The following MYCBP2 variants were observed in gnomAD, a reference collection of about 807,000 sequenced individuals.
The protein encoded by MYCBP2 is E3 ubiquitin-protein ligase MYCBP2.
MYCBP2 carries 120 observed loss-of-function variants against 525.3 expected under a neutral mutation model. The observed-to-expected ratio is 0.23, with a 90% CI of 0.20 to 0.27. The LOEUF is 0.27. Among genes scored for constraint, MYCBP2 ranks in the 10% least tolerant of loss-of-function variants. MYCBP2 has a pLI of 1.00. For synonymous variants in MYCBP2, 1,894 were observed against 1,955.8 expected (o/e 0.97, Z 0.83); for missense variants, 4,149 against 5,657.1 (o/e 0.73, Z 8.55).
At chr13:77,078,958 G>T in intron 65 of MYCBP2, 69 bp from the exon 66 acceptor site, 1 of 1,286,812 alleles carries the variant, frequency 7.8e-7, no homozygotes, top group South Asian at 1.2e-5. Flanking sequence ...GGTTTCTCAT[G>T]ACCTACTAAT....
intron 67 of MYCBP2, 34 bp from the exon 68 acceptor site, chr13:77,076,883 G>A (rs1041438063): frequency 2.0e-6 from 3 of 1,488,534 alleles, no homozygotes; most frequent in South Asian, 1.2e-5. Context: ...AGGAATTAAT[G>A]ACAGGCATTA....
At chr13:77,136,734 T>C (rs1334528313) in intron 52 of MYCBP2, among the ~76,000 whole-genome samples, 2 of 152,170 alleles carry the variant, frequency 1.3e-5, no homozygotes, top group Non-Finnish European at 2.9e-5. Context: ...CTGATCGTTT[T>C]CCTATCTTCT....
At chr13:77,101,758 A>AT (rs2047099657) in intron 55 of MYCBP2, among the ~76,000 whole-genome samples, 1 of 152,028 alleles carries the variant, frequency 6.6e-6, no homozygotes, top group Non-Finnish European at 1.5e-5. Context: ...TATTTTATAT[A>AT]TTAAAAAAAA....
intron 62 of MYCBP2, among the ~76,000 whole-genome samples, chr13:77,083,722 G>T (rs962266578): frequency 1.3e-5 from 2 of 151,998 alleles, no homozygotes; most frequent in African/African-American, 4.8e-5. Context: ...ACAACCCTCA[G>T]ATGGCTCCAT....
intron 72 of MYCBP2, 96 bp downstream of exon 72, chr13:77,065,896 C>T: frequency 1.3e-6 from 1 of 750,922 alleles, no homozygotes; most frequent in Non-Finnish European, 2.2e-6. Context: ...AGTAAAGTTA[C>T]ACTAATCTAC....
chr13:77,147,607 T>G (rs2055812771), intron 47 of MYCBP2, among the ~76,000 whole-genome samples: 1 of 152,100 alleles, frequency 6.6e-6, no homozygotes, highest in African/African-American at 2.4e-5. Flanking sequence ...AGAAATGATC[T>G]AGCTGACTTT....
At chr13:77,304,315 T>C (rs531492043) in intron 1 of MYCBP2, among the ~76,000 whole-genome samples, 1 of 152,304 alleles carries the variant, frequency 6.6e-6, no homozygotes, top group Non-Finnish European at 1.5e-5. Flanking sequence ...AGTAAAATTC[T>C]GTCATTTGCA....
chr13:77,178,410 T>A (rs2059919201), intron 34 of MYCBP2, among the ~76,000 whole-genome samples: 1 of 152,190 alleles, frequency 6.6e-6, no homozygotes, highest in Non-Finnish European at 1.5e-5. Flanking sequence ...CTATGTCCTC[T>A]CTCCTCTTAC....
intron 82 of MYCBP2, among the ~76,000 whole-genome samples, chr13:77,049,552 A>C (rs1454543636): frequency 6.6e-6 from 1 of 152,106 alleles, no homozygotes; most frequent in Non-Finnish European, 1.5e-5. Context: ...GTATCTTTCC[A>C]GGGGTTTCTT....
chr13:77,207,588 G>A (rs1347894169), intron 23 of MYCBP2, among the ~76,000 whole-genome samples: 1 of 151,916 alleles, frequency 6.6e-6, no homozygotes, highest in Non-Finnish European at 1.5e-5. Context: ...GATTAAGATG[G>A]TAAATTTTAT....
At chr13:77,140,701 A>T in intron 50 of MYCBP2, 145 bp downstream of exon 50, 1 of 704,232 alleles carries the variant, frequency 1.4e-6, no homozygotes, top group Non-Finnish European at 2.5e-6. Flanking sequence ...TATTACCATG[A>T]ACTACTCTCT....
At chr13:77,216,362 A>T (rs756464986) in intron 21 of MYCBP2, among the ~76,000 whole-genome samples, 1 of 152,230 alleles carries the variant, frequency 6.6e-6, no homozygotes, top group East Asian at 1.9e-4. Context: ...TATAGTAAAG[A>T]CTAGCTCAGG....
intron 14 of MYCBP2, among the ~76,000 whole-genome samples, chr13:77,256,528 C>T (rs759308516): frequency 6.6e-6 from 1 of 151,868 alleles, no homozygotes; most frequent in Non-Finnish European, 1.5e-5. Flanking sequence ...ACAAATATAA[C>T]GTCAAAGAGC....
chr13:77,251,394 CTTT>C, intron 14 of MYCBP2, 39 bp from the exon 15 acceptor site: 2 of 1,540,340 alleles, frequency 1.3e-6, no homozygotes, highest in Non-Finnish European at 1.8e-6. Flanking sequence ...ATACAGGTTA[CTTT>C]CATGTATAAA....
At position 77,061,161 on chromosome 13, in the gene MYCBP2, C is replaced by A. The variant is rs2039229639; in HGVS notation, c.13036+8G>T. ...TTAAAGGCATGGCTCAATCTTTAAA[C>A]CTTTTACCTGTGTGTTCTCGGAATT... is the stretch of plus-strand genomic sequence containing the variant. On this transcript the variant is annotated splice_region_variant and intron_variant, in intron 76 of 82. Transcript: ENST00000544440. The A allele has an allele frequency of 1.2e-6, 2 of 1,603,844 alleles. No homozygotes were observed. Among genetic ancestry groups the A allele is most frequent in the South Asian group, 1.1e-5 (1 of 88,760 alleles).
chr13:77,268,119 T>C (rs2074358180), intron 7 of MYCBP2, among the ~76,000 whole-genome samples, 182 bp from the exon 8 acceptor site: 1 of 152,190 alleles, frequency 6.6e-6, no homozygotes, highest in Non-Finnish European at 1.5e-5. Context: ...AGTCATACAT[T>C]ATTGAAAATT....
At chr13:77,195,449 T>C (rs1269808618) in intron 26 of MYCBP2, among the ~76,000 whole-genome samples, 5 of 151,996 alleles carry the variant, frequency 3.3e-5, no homozygotes, top group Admixed American at 2.0e-4. Context: ...ATACAAAAAT[T>C]AGCTGGGCGT....
chr13:77,200,055 G>A (rs1044176641), intron 26 of MYCBP2, among the ~76,000 whole-genome samples: 240 of 152,296 alleles, frequency 1.6e-3, no homozygotes, highest in African/African-American at 5.4e-3. Context: ...TGACTTTGAC[G>A]AGCTGAGAGA....
chr13:77,105,271 A>G (rs2047678510), intron 55 of MYCBP2, among the ~76,000 whole-genome samples: 1 of 152,242 alleles, frequency 6.6e-6, no homozygotes, highest in South Asian at 2.1e-4. Context: ...GGAAACTTAT[A>G]AGATGTTAGA....
Sources: gnomAD v4.1 joint callset for allele counts (sites outside exome capture counted in the v4.1 genomes callset) on GRCh38, gnomAD v4.1.1 for gene constraint, MANE v1.5 for transcripts, NCBI Gene and HGNC (gene_info 2026-07-23, HGNC 2026-07-21) for gene names.